The following FAM135B variants were observed in gnomAD, a reference collection of about 807,000 sequenced individuals.
FAM135B encodes the protein family with sequence similarity 135 member B.
In FAM135B, 43 loss-of-function variants were observed where a neutral mutation model predicts 127.7. The observed-to-expected ratio is 0.34, with a 90% CI of 0.26 to 0.43. FAM135B has a LOEUF of 0.43. FAM135B is among the 20% of genes least tolerant of loss of function. FAM135B has a pLI of 1.00. For synonymous variants in FAM135B, 670 were observed against 665.1 expected, an observed-to-expected ratio of 1.01 and a Z score of -0.11; for missense variants, 1,558 against 1,725.6, an observed-to-expected ratio of 0.90 and a Z score of 1.72.
At chr8:138,321,359 AG>A (rs1563896181) in intron 2 of FAM135B, among the ~76,000 whole-genome samples, 1 of 152,186 alleles carries the variant, frequency 6.6e-6, no homozygotes, top group Non-Finnish European at 1.5e-5. Flanking sequence ...AGCTGGGAGA[AG>A]GCATGATGCT....
chr8:138,482,459 C>T lies in FAM135B; in HGVS notation c.-20+14212G>A, dbSNP rs563384659. Among the ~76,000 whole-genome samples the T allele has an allele frequency of 1.8e-4, 27 of 152,174 alleles. No individual in the cohort carries two copies. The South Asian group carries it at 3.3e-3, about 19-fold the overall frequency. On this transcript the variant is annotated intron_variant, in intron 1 of 19. Coordinates refer to ENST00000395297, the MANE Select transcript of FAM135B (RefSeq NM_015912.4). The stretch of plus-strand genomic sequence containing the variant: ...ACCATGCTTAGAAGAGCCCTCCCTT[C>T]GGTTAATTGCTCTGTTGTTACCATC...
At chr8:138,433,140 C>T (rs1365596674) in intron 1 of FAM135B, among the ~76,000 whole-genome samples, 1 of 152,120 alleles carries the variant, frequency 6.6e-6, no homozygotes, top group East Asian at 1.9e-4. Flanking sequence ...TGAAGAGTCA[C>T]TGAAAAGAAA....
intron 1 of FAM135B, among the ~76,000 whole-genome samples, chr8:138,484,471 CT>C (rs1814910426): frequency 6.6e-6 from 1 of 152,192 alleles, no homozygotes; most frequent in African/African-American, 2.4e-5. Context: ...GGATCAGCTT[CT>C]GGCGACTGTG....
At chr8:138,383,093 A>G (rs1831960116) in intron 1 of FAM135B, among the ~76,000 whole-genome samples, 1 of 152,194 alleles carries the variant, frequency 6.6e-6, no homozygotes, top group Non-Finnish European at 1.5e-5. Context: ...CCCAACCTCA[A>G]AAGTGTCCCT....
At chr8:138,442,622 C>A (rs1026266673) in intron 1 of FAM135B, among the ~76,000 whole-genome samples, 3 of 151,876 alleles carry the variant, frequency 2.0e-5, no homozygotes, top group Non-Finnish European at 2.9e-5. Flanking sequence ...AAGAGAGGAG[C>A]ACAAAAACAA....
At chr8:138,483,605 T>C (rs1245444444) in intron 1 of FAM135B, among the ~76,000 whole-genome samples, 1 of 152,104 alleles carries the variant, frequency 6.6e-6, no homozygotes, top group African/African-American at 2.4e-5. Flanking sequence ...GGCAATAATA[T>C]CATATTGTGC....
intron 6 of FAM135B, among the ~76,000 whole-genome samples, chr8:138,249,419 T>C: frequency 6.6e-6 from 1 of 152,234 alleles, no homozygotes; most frequent in Middle Eastern, 3.2e-3. Flanking sequence ...CCCACTTCAC[T>C]GGACTGTGAA....
intron 12 of FAM135B, among the ~76,000 whole-genome samples, chr8:138,159,661 T>C (rs529923797): frequency 2.0e-5 from 3 of 151,582 alleles, no homozygotes; most frequent in Non-Finnish European, 4.4e-5. Context: ...ATGTAAATGA[T>C]GACTTAATGG....
chr8:138,245,088 G>T (rs1219327242), intron 6 of FAM135B, among the ~76,000 whole-genome samples: 1 of 152,132 alleles, frequency 6.6e-6, no homozygotes, highest in African/African-American at 2.4e-5. Context: ...AAATCCAGAG[G>T]ACAGAAGACA....
rs1563930503 is a variant in FAM135B, at chr8:138,356,277, AGAG to A, written c.77+11627_77+11629del. On this transcript the variant is annotated intron_variant, in intron 2 of 19. Transcript: ENST00000395297. ...GACAGAAAGGGAAAGAGAGAGAGAG[AGAG>A]AGAAAGAGAGAGCCAGCGAGTGAGA... 1.9e-4 allele frequency among the ~76,000 whole-genome samples: 3 copies of A among 15,704 alleles called. No homozygotes were observed. In the East Asian group the frequency reaches 9.0e-3, roughly 47 times the overall value. 10.3% of individuals were successfully genotyped at this position (15,704 alleles called of 152,430 possible). A position where few individuals can be genotyped will look rare whatever the true frequency, so the allele number is the denominator to read the frequency against.
intron 1 of FAM135B, among the ~76,000 whole-genome samples, chr8:138,488,627 C>A (rs575401031): frequency 6.6e-6 from 1 of 151,802 alleles, no homozygotes; most frequent in Non-Finnish European, 1.5e-5. Context: ...AGATAGTGTG[C>A]GTTTTTGTTT....
intron 4 of FAM135B, among the ~76,000 whole-genome samples, chr8:138,261,834 G>A (rs1423378068): frequency 6.6e-6 from 1 of 152,118 alleles, no homozygotes; most frequent in Non-Finnish European, 1.5e-5. Context: ...TTTCATAAAT[G>A]TCTGTTGTTC....
chr8:138,155,476 C>T (rs1478849427), intron 12 of FAM135B, among the ~76,000 whole-genome samples: 2 of 152,110 alleles, frequency 1.3e-5, no homozygotes, highest in Non-Finnish European at 2.9e-5. Context: ...GGGCTAAATG[C>T]TCCAATTAAA....
At chr8:138,417,699 A>G (rs191249770) in intron 1 of FAM135B, among the ~76,000 whole-genome samples, 2 of 152,330 alleles carry the variant, frequency 1.3e-5, no homozygotes, top group East Asian at 3.9e-4. Flanking sequence ...ACACAGCCCA[A>G]GAGTGCTGAG....
Position 138,130,250 on chromosome 8 carries a change from A to G in FAM135B, c.*2343T>C, listed in dbSNP as rs1816094008. The G allele has an allele frequency of 6.6e-6, 1 of 151,238 alleles. No homozygotes were observed. The highest frequency in any genetic ancestry group is 1.5e-5 in the Non-Finnish European group (1 of 67,860). 9.4% of individuals were successfully genotyped at this position (151,238 alleles called of 1,614,324 possible). A position where few individuals can be genotyped will look rare whatever the true frequency, so the allele number is the denominator to read the frequency against. The stretch of plus-strand genomic sequence containing the variant: ...TTATATATTCGATATCTATATTTCA[A>G]TAGAAAGAGACATAAAAAAGCCTTT... On this transcript the variant is annotated 3_prime_UTR_variant, in exon 20 of 20. Transcript: ENST00000395297.
chr8:138,383,703 G>A (rs1266933474), intron 1 of FAM135B, among the ~76,000 whole-genome samples: 2 of 152,184 alleles, frequency 1.3e-5, no homozygotes, highest in African/African-American at 2.4e-5. Context: ...CCATCTCTGT[G>A]ACTTAATCTC....
intron 1 of FAM135B, among the ~76,000 whole-genome samples, chr8:138,424,866 A>C (rs1484807045): frequency 6.6e-6 from 1 of 152,190 alleles, no homozygotes; most frequent in Non-Finnish European, 1.5e-5. Context: ...ACAAACCATG[A>C]CATTTTTTGA....
At chr8:138,451,602 G>C (rs779508389) in intron 1 of FAM135B, among the ~76,000 whole-genome samples, 39 of 152,158 alleles carry the variant, frequency 2.6e-4, no homozygotes, top group Non-Finnish European at 5.3e-4. Flanking sequence ...AATGAACATA[G>C]AGGTTTGAGG....
intron 2 of FAM135B, among the ~76,000 whole-genome samples, chr8:138,333,042 C>T (rs1419607972): frequency 1.3e-5 from 2 of 151,844 alleles, no homozygotes; most frequent in Non-Finnish European, 2.9e-5. Context: ...CTCCAACCAA[C>T]CTTAAAATAT....
Sources: gnomAD v4.1 joint callset for allele counts (sites outside exome capture counted in the v4.1 genomes callset) on GRCh38, gnomAD v4.1.1 for gene constraint, MANE v1.5 for transcripts, NCBI Gene and HGNC (gene_info 2026-07-23, HGNC 2026-07-21) for gene names.